The following NRXN1 variants were observed in gnomAD, a reference collection of about 807,000 sequenced individuals.
NRXN1 encodes the protein neurexin 1, also known as neurexin-1.
Under a neutral mutation model 150.9 loss-of-function variants are expected in NRXN1, and 39 were observed. The ratio of observed to expected loss-of-function variants is 0.26; its 90% CI spans 0.20 to 0.34. The LOEUF (loss-of-function observed/expected upper bound fraction) is 0.34. NRXN1 is among the 10% of genes least tolerant of loss of function. NRXN1 has a pLI of 1.00. For missense variants in NRXN1, 1,815 were observed against 1,949.9 expected, an observed-to-expected ratio of 0.93 and a Z score of 1.30; for synonymous variants, 924 against 757.0, an observed-to-expected ratio of 1.22 and a Z score of -3.62.
intron 18 of NRXN1, among the ~76,000 whole-genome samples, chr2:50,133,361 G>C (rs1247232514): frequency 3.5e-5 from 5 of 141,498 alleles, no homozygotes; most frequent in Non-Finnish European, 7.8e-5. Context: ...GAGGTCTGAA[G>C]AAAACTTAAT....
At chr2:50,093,455 A>AT (rs141880572) in intron 18 of NRXN1, among the ~76,000 whole-genome samples, 15 of 74,014 alleles carry the variant, frequency 2.0e-4, no homozygotes, top group South Asian at 4.5e-4. Flanking sequence ...CGTCTTTACT[A>AT]TTAAAAAAAA....
At chr2:50,408,009 G>C (rs1430030520) in intron 17 of NRXN1, among the ~76,000 whole-genome samples, 2 of 152,080 alleles carry the variant, frequency 1.3e-5, no homozygotes, top group Non-Finnish European at 2.9e-5. Context: ...GTTAAATAAT[G>C]ACAATGCACT....
At position 49,918,831 on chromosome 2, in the gene NRXN1, C is replaced by T. The variant is rs552637315; in HGVS notation, c.*3113G>A. 3.3e-5 allele frequency: 5 copies of T among 151,986 alleles called. No individual in the cohort carries two copies. The highest frequency in any genetic ancestry group is 6.5e-5 in the Admixed American group (1 of 15,272). 9.4% of individuals were successfully genotyped at this position (151,986 alleles called of 1,614,324 possible). A position where few individuals can be genotyped will look rare whatever the true frequency, so the allele number is the denominator to read the frequency against. On this transcript the variant is annotated 3_prime_UTR_variant, in exon 23 of 23. Coordinates refer to ENST00000401669, the MANE Select transcript of NRXN1 (RefSeq NM_001330078.2). ...TTCCCACTTAAGCACGAAATGGTGC[C>T]GCATATAATTTTTAAAATCAATAAA... is the stretch of plus-strand genomic sequence containing the variant.
chr2:50,289,767 T>C (rs924805972), intron 17 of NRXN1, among the ~76,000 whole-genome samples: 1 of 152,170 alleles, frequency 6.6e-6, no homozygotes, highest in African/African-American at 2.4e-5. Context: ...AAACACACAG[T>C]ACCTTACTGC....
chr2:50,051,820 G>C (rs1006813540), intron 21 of NRXN1, among the ~76,000 whole-genome samples: 1 of 151,972 alleles, frequency 6.6e-6, no homozygotes, highest in Non-Finnish European at 1.5e-5. Flanking sequence ...AAAGTATCTG[G>C]CACATGTAGA....
intron 18 of NRXN1, among the ~76,000 whole-genome samples, chr2:50,199,899 C>T (rs954170079): frequency 3.3e-5 from 5 of 152,072 alleles, no homozygotes; most frequent in African/African-American, 1.2e-4. Flanking sequence ...CCTAGAAAAT[C>T]AGATATATAG....
intron 5 of NRXN1, among the ~76,000 whole-genome samples, chr2:50,750,495 G>A (rs865841488): frequency 6.6e-6 from 1 of 152,004 alleles, no homozygotes; most frequent in South Asian, 2.1e-4. Context: ...TAATGCAAAT[G>A]ATGAGATAAT....
At chr2:49,958,705 C>G (rs563912996) in intron 21 of NRXN1, among the ~76,000 whole-genome samples, 1 of 152,292 alleles carries the variant, frequency 6.6e-6, no homozygotes, top group South Asian at 2.1e-4. Flanking sequence ...AGCACGAGGG[C>G]TGGAAACACA....
intron 5 of NRXN1, among the ~76,000 whole-genome samples, chr2:50,628,978 C>A (rs537484519): frequency 6.6e-6 from 1 of 151,466 alleles, no homozygotes; most frequent in East Asian, 1.9e-4. Context: ...ATGAAAAATA[C>A]AAAAAAATCC....
In NRXN1 at chr2:50,355,204, T is replaced by A. The variant is rs565764701; in HGVS notation, c.3364+110238A>T. Among the ~76,000 whole-genome samples the A allele has an allele frequency of 6.0e-5, 9 of 150,556 alleles. No homozygotes were observed. In the South Asian group the frequency reaches 1.9e-3, roughly 31 times the overall value. On this transcript the variant is annotated intron_variant, in intron 17 of 22. Transcript: ENST00000401669. ...TTGAGTCTCTATCTGGGATCTATAA[T>A]CTAATCCCCACCCAATTCAGAAATT...
At chr2:50,253,071 T>C (rs1375533371) in intron 17 of NRXN1, among the ~76,000 whole-genome samples, 3 of 152,188 alleles carry the variant, frequency 2.0e-5, no homozygotes, top group Non-Finnish European at 4.4e-5. Context: ...TTTGTTTGTG[T>C]CCTTTCTTGT....
chr2:50,837,147 T>G (rs909901586), intron 5 of NRXN1, among the ~76,000 whole-genome samples: 1 of 152,164 alleles, frequency 6.6e-6, no homozygotes, highest in Non-Finnish European at 1.5e-5. Context: ...AGGTGTTAAC[T>G]TTTTATGTAA....
intron 2 of NRXN1, among the ~76,000 whole-genome samples, chr2:50,993,792 T>A (rs1239666810): frequency 6.6e-6 from 1 of 151,968 alleles, no homozygotes; most frequent in Non-Finnish European, 1.5e-5. Flanking sequence ...AAAAATCACA[T>A]GGAGAACATC....
At chr2:50,000,165 A>T (rs1193712975) in intron 21 of NRXN1, among the ~76,000 whole-genome samples, 1 of 152,162 alleles carries the variant, frequency 6.6e-6, no homozygotes, top group East Asian at 1.9e-4. Flanking sequence ...CCTCACTAAA[A>T]GTGCAAGCTA....
chr2:49,992,315 G>A (rs1167889457), intron 21 of NRXN1, among the ~76,000 whole-genome samples: 5 of 151,662 alleles, frequency 3.3e-5, no homozygotes, highest in Non-Finnish European at 7.4e-5. Flanking sequence ...CAAGGTGGGT[G>A]AATCATGAGG....
intron 2 of NRXN1, chr2:50,963,857 G>C (rs1329331223): frequency 2.9e-5 from 9 of 307,714 alleles, no homozygotes; most frequent in African/African-American, 1.1e-4. Flanking sequence ...TTTCAATTTA[G>C]CATACACAAT....
At chr2:50,791,231 C>T (rs1401152045) in intron 5 of NRXN1, among the ~76,000 whole-genome samples, 1 of 137,280 alleles carries the variant, frequency 7.3e-6, no homozygotes, top group Non-Finnish European at 1.5e-5. Context: ...AAATGCTTTA[C>T]TAACAGTGGA....
At chr2:50,195,935 G>C (rs898458978) in intron 18 of NRXN1, among the ~76,000 whole-genome samples, 1 of 151,794 alleles carries the variant, frequency 6.6e-6, no homozygotes, top group African/African-American at 2.4e-5. Context: ...TCCTTGGATG[G>C]CCTTTCTTTT....
At chr2:50,020,635 C>G (rs1200836247) in intron 21 of NRXN1, among the ~76,000 whole-genome samples, 2 of 152,166 alleles carry the variant, frequency 1.3e-5, no homozygotes, top group Admixed American at 1.3e-4. Context: ...CTCTGTTTCA[C>G]TTCTCAGGAG....
Sources: gnomAD v4.1 joint callset for allele counts (sites outside exome capture counted in the v4.1 genomes callset) on GRCh38, gnomAD v4.1.1 for gene constraint, MANE v1.5 for transcripts, NCBI Gene and HGNC (gene_info 2026-07-23, HGNC 2026-07-21) for gene names.